The following SMOC2 variants were observed in gnomAD, a reference collection of about 807,000 sequenced individuals.
SMOC2 encodes the protein SPARC-related modular calcium-binding protein 2.
A neutral mutation model predicts 61.4 loss-of-function variants in SMOC2; 39 were observed. The observed-to-expected ratio is 0.64, with a 90% confidence interval of 0.49 to 0.83. The LOEUF is 0.83. SMOC2 is among the 40% of genes least tolerant of loss of function. The probability of loss-of-function intolerance (pLI) is 0.00; values close to 1 mark genes in which losing one functional copy is unlikely to be tolerated. For synonymous variants in SMOC2, 247 were observed against 239.9 expected (o/e 1.03, Z -0.27); for missense variants, 556 against 592.9 (o/e 0.94, Z 0.65).
rs1171369176 is a variant in SMOC2, at chr6:168,475,347, T to C, written c.84+33893T>C. ...TGGACGTAGATTAAATTCACTCTCA[T>C]TTATTCCTGAAGCATTTGGAGAGCA... On this transcript the variant is annotated intron_variant, in intron 1 of 12. Transcript: ENST00000356284. The surrounding 1 kb of genome is among the most constrained non-coding windows in gnomAD (Gnocchi z 4.6). Among the ~76,000 whole-genome samples, 1 of 152,120 alleles carries C rather than the reference T, an allele frequency of 6.6e-6. No homozygotes were observed. The highest frequency in any genetic ancestry group is 1.5e-5 in the Non-Finnish European group (1 of 68,012).
chr6:168,617,220 G>C (rs1786117277), intron 9 of SMOC2, among the ~76,000 whole-genome samples: 1 of 152,062 alleles, frequency 6.6e-6, no homozygotes, highest in South Asian at 2.1e-4. Context: ...AACAGGAATA[G>C]AGAAATTAAA....
chr6:168,631,773 A>G (rs1203222536), intron 9 of SMOC2, among the ~76,000 whole-genome samples: 1 of 152,156 alleles, frequency 6.6e-6, no homozygotes, highest in African/African-American at 2.4e-5. Context: ...TTTTCTAAGG[A>G]GGATGGAGTT....
rs118022350 is a variant in SMOC2 at position 168,557,548 on chromosome 6, G to A, written c.637+8345G>A. On this transcript the variant is annotated intron_variant, in intron 7 of 12. Coordinates refer to ENST00000356284, the MANE Select transcript of SMOC2 (RefSeq NM_001166412.2). ...ACCAACACGTGTACACGCAGGCCTTGAGCTCTCGCCATGAAAGAAGGGGTA... is the reference window on the plus strand; with the variant it reads ...ACCAACACGTGTACACGCAGGCCTTAAGCTCTCGCCATGAAAGAAGGGGTA... Among the ~76,000 whole-genome samples, 91 of 152,336 alleles carry A rather than the reference G, an allele frequency of 6.0e-4. 1 individual carries two copies. The East Asian group carries it at 0.017, about 28-fold the overall frequency.
chr6:168,599,248 A>G (rs1320852486), intron 8 of SMOC2, among the ~76,000 whole-genome samples: 1 of 136,820 alleles, frequency 7.3e-6, no homozygotes, highest in Admixed American at 7.5e-5. Flanking sequence ...ACACACACCC[A>G]CACACATACC....
intron 2 of SMOC2, among the ~76,000 whole-genome samples, chr6:168,520,776 C>T (rs921115159): frequency 1.3e-5 from 2 of 152,160 alleles, no homozygotes; most frequent in Non-Finnish European, 2.9e-5. Context: ...TTCACTTTTG[C>T]CTAGCTTAGT....
intron 7 of SMOC2, among the ~76,000 whole-genome samples, chr6:168,559,590 C>T (rs1393745365): frequency 1.3e-5 from 2 of 152,072 alleles, no homozygotes; most frequent in East Asian, 1.9e-4. Context: ...TTAATATGGC[C>T]CATGAATAAT....
intron 2 of SMOC2, among the ~76,000 whole-genome samples, chr6:168,523,098 T>TTTTTTTTTTTTTTTTTG (rs1562569015): frequency 8.5e-6 from 1 of 117,600 alleles, no homozygotes. Context: ...TTTTTTTTTT[T>TTTTTTTTTTTTTTTTTG]TGAGACGGAG....
intron 9 of SMOC2, among the ~76,000 whole-genome samples, chr6:168,614,221 A>G (rs867487743): frequency 0.021 from 1,453 of 69,418 alleles, 116 homozygotes; most frequent in South Asian, 0.033. Context: ...TCACACCTAC[A>G]GCCAGCACAT....
At chr6:168,510,267 AC>A (rs1562562416) in intron 2 of SMOC2, among the ~76,000 whole-genome samples, 181 bp downstream of exon 2, 1 of 152,156 alleles carries the variant, frequency 6.6e-6, no homozygotes, top group Non-Finnish European at 1.5e-5. Flanking sequence ...GTCTTTTTTT[AC>A]TTGTCTAATA....
At position 168,452,562 on chromosome 6, in the gene SMOC2, A is replaced by G. The variant is rs902414184; in HGVS notation, c.84+11108A>G. 2.0e-5 allele frequency among the ~76,000 whole-genome samples: 3 copies of G among 152,208 alleles called. No individual in the cohort carries two copies. Among genetic ancestry groups the G allele is most frequent in the Non-Finnish European group, 2.9e-5 (2 of 68,040 alleles). The stretch of plus-strand genomic sequence containing the variant: ...TAGGATTCTCAGACATGTGATTTTC[A>G]TGAGGGATTTTAACCCAAAAGAACA... On this transcript the variant is annotated intron_variant, in intron 1 of 12. Transcript: ENST00000356284. This position sits in a 1 kb window ranked among gnomAD's most constrained non-coding sequence, Gnocchi z 5.0.
chr6:168,563,651 C>A lies in SMOC2; in HGVS notation c.637+14448C>A, dbSNP rs775654389. Among the ~76,000 whole-genome samples the A allele has an allele frequency of 6.4e-4, 97 of 152,034 alleles. 1 individual carries two copies. Among genetic ancestry groups the A allele is most frequent in the Non-Finnish European group, 3.5e-4 (24 of 68,022 alleles). ...GGATTAGTGCCTTATGAAAAGAGGC[C>A]CAGGAGACCCTTGCCCCTCCTGCCA... On this transcript the variant is annotated intron_variant, in intron 7 of 12. Coordinates refer to ENST00000356284, the MANE Select transcript of SMOC2 (RefSeq NM_001166412.2).
At chr6:168,658,424 A>C (rs912885990) in intron 11 of SMOC2, among the ~76,000 whole-genome samples, 1 of 151,834 alleles carries the variant, frequency 6.6e-6, no homozygotes, top group Non-Finnish European at 1.5e-5. Context: ...ATCTTCTTCC[A>C]TTCCTGGGTG....
At chr6:168,646,354 C>T (rs892682876) in intron 9 of SMOC2, among the ~76,000 whole-genome samples, 7 of 152,118 alleles carry the variant, frequency 4.6e-5, no homozygotes, top group African/African-American at 7.2e-5. Context: ...CCACTCAGCT[C>T]CACTTTCTCC....
chr6:168,652,604 A>G (rs529422089), intron 10 of SMOC2, among the ~76,000 whole-genome samples: 1 of 152,316 alleles, frequency 6.6e-6, no homozygotes, highest in South Asian at 2.1e-4. Flanking sequence ...ACAGGGCTAG[A>G]AAAGCTCAGG....
intron 11 of SMOC2, among the ~76,000 whole-genome samples, chr6:168,663,473 C>T (rs1323943249): frequency 2.0e-5 from 3 of 152,344 alleles, no homozygotes; most frequent in East Asian, 1.9e-4. Context: ...GTGAATCCCC[C>T]GCCTTCTGGG....
At chr6:168,524,048 A>G (rs146761306) in intron 2 of SMOC2, among the ~76,000 whole-genome samples, 132 of 152,252 alleles carry the variant, frequency 8.7e-4, no homozygotes, top group African/African-American at 2.9e-3. Flanking sequence ...GTATGTCTGT[A>G]TCAAGCATAT....
chr6:168,659,366 G>A (rs1787414009), intron 11 of SMOC2, among the ~76,000 whole-genome samples: 1 of 151,506 alleles, frequency 6.6e-6, no homozygotes, highest in Non-Finnish European at 1.5e-5. Context: ...GACTGGCCCT[G>A]AGCCCTCATC....
chr6:168,567,501 G>A (rs1051547384), intron 7 of SMOC2, among the ~76,000 whole-genome samples: 9 of 149,844 alleles, frequency 6.0e-5, no homozygotes, highest in Admixed American at 2.7e-4. Flanking sequence ...TTATTTGTGC[G>A]TGTGTGTGTG....
At chr6:168,587,928 T>C (rs1785080176) in intron 7 of SMOC2, among the ~76,000 whole-genome samples, 3 of 150,252 alleles carry the variant, frequency 2.0e-5, no homozygotes, top group Admixed American at 1.3e-4. Context: ...TTCCACTGGG[T>C]GGCTTATAAA....
Sources: gnomAD v4.1 joint callset for allele counts (sites outside exome capture counted in the v4.1 genomes callset) on GRCh38, gnomAD v4.1.1 for gene constraint, Gnocchi (gnomAD v3.1) non-coding constraint, MANE v1.5 for transcripts, NCBI Gene and HGNC (gene_info 2026-07-23, HGNC 2026-07-21) for gene names.